CALN1: variants seen among roughly 807,000 people sequenced by gnomAD.
CALN1 encodes calcium-binding protein 8.
A neutral mutation model predicts 30.6 loss-of-function variants in CALN1; 17 were observed. That is an observed-to-expected ratio of 0.56 (90% CI 0.38 to 0.83). The LOEUF (loss-of-function observed/expected upper bound fraction) is 0.83. Ranked by LOEUF, CALN1 falls within the 40% of genes least tolerant of loss-of-function variation. CALN1 has a pLI of 0.00. For missense variants in CALN1, 291 were observed against 354.9 expected (o/e 0.82, Z 1.45); for synonymous variants, 156 against 131.4 (o/e 1.19, Z -1.28).
intron 3 of CALN1, among the ~76,000 whole-genome samples, chr7:72,249,324 C>T (rs1395188335): frequency 6.6e-6 from 1 of 152,190 alleles, no homozygotes; most frequent in Non-Finnish European, 1.5e-5. Flanking sequence ...ATGAAACCAT[C>T]ATCGCAACAC....
At chr7:72,137,981 T>G (rs1809626646) in intron 3 of CALN1, among the ~76,000 whole-genome samples, 1 of 152,222 alleles carries the variant, frequency 6.6e-6, no homozygotes, top group Non-Finnish European at 1.5e-5. Context: ...GTACTGTTCA[T>G]GCAACTTTCT....
intron 5 of CALN1, among the ~76,000 whole-genome samples, chr7:72,003,548 A>G (rs1479441791): frequency 6.6e-6 from 1 of 152,204 alleles, no homozygotes; most frequent in Non-Finnish European, 1.5e-5. Context: ...ACCTCCTGTC[A>G]GATCAGCAGT....
the CALN1 span, among the ~76,000 whole-genome samples, chr7:72,464,809 C>T: frequency 6.6e-6 from 1 of 152,216 alleles, no homozygotes; most frequent in South Asian, 2.1e-4. Flanking sequence ...GTCCTGGGGA[C>T]AGATGCCATC....
intron 4 of CALN1, among the ~76,000 whole-genome samples, chr7:72,026,680 T>C (rs1028199926): frequency 2.0e-5 from 3 of 151,994 alleles, no homozygotes; most frequent in African/African-American, 7.2e-5. Context: ...CCTCCCAAAG[T>C]GCTGGGATTA....
At chr7:71,882,842 C>A (rs570141730) in intron 5 of CALN1, among the ~76,000 whole-genome samples, 1 of 140,666 alleles carries the variant, frequency 7.1e-6, no homozygotes, top group East Asian at 2.3e-4. Context: ...CCACCATGCC[C>A]ATCTAATTTG....
intron 6 of CALN1, among the ~76,000 whole-genome samples, chr7:71,802,684 G>A (rs1039435029): frequency 5.9e-5 from 9 of 152,114 alleles, no homozygotes; most frequent in African/African-American, 2.2e-4. Context: ...CCAGGCTATG[G>A]TAATTTTTCC....
intron 2 of CALN1, among the ~76,000 whole-genome samples, chr7:72,292,142 G>A (rs1380768984): frequency 6.6e-6 from 1 of 151,914 alleles, no homozygotes; most frequent in Non-Finnish European, 1.5e-5. Context: ...ACTTTCAATG[G>A]CAAAAATCGC....
chr7:72,275,221 T>C (rs938365802), intron 3 of CALN1, among the ~76,000 whole-genome samples: 3 of 152,040 alleles, frequency 2.0e-5, no homozygotes, highest in Non-Finnish European at 4.4e-5. Flanking sequence ...TGTCCATCAG[T>C]GTCCAACACA....
intron 1 of CALN1, among the ~76,000 whole-genome samples, chr7:72,430,682 A>C (rs149751216): frequency 6.6e-6 from 1 of 152,132 alleles, no homozygotes; most frequent in Non-Finnish European, 1.5e-5. Flanking sequence ...CCGAGCACCA[A>C]CCAATCAGAA....
chr7:71,844,006 G>C (rs918276324), intron 5 of CALN1, among the ~76,000 whole-genome samples: 1 of 151,914 alleles, frequency 6.6e-6, no homozygotes, highest in Non-Finnish European at 1.5e-5. Context: ...TGACTTTTTG[G>C]TTGATTTGCT....
intron 4 of CALN1, among the ~76,000 whole-genome samples, chr7:72,100,347 A>C (rs2129540658): frequency 6.6e-6 from 1 of 151,920 alleles, no homozygotes; most frequent in South Asian, 2.1e-4. Context: ...ATGCCCAGCT[A>C]ATTTTTTCTG....
At chr7:71,790,409 A>C (rs1284243575) in intron 6 of CALN1, among the ~76,000 whole-genome samples, 1 of 138,764 alleles carries the variant, frequency 7.2e-6, no homozygotes, top group Non-Finnish European at 1.5e-5. Flanking sequence ...AGAAAGAAAG[A>C]AAGAAAGAAA....
rs199969336 is a variant in CALN1 at position 72,278,008 on chromosome 7, C to CGGA, written c.244+677_244+678insTCC. Among the ~76,000 whole-genome samples the CGGA allele has an allele frequency of 2.0e-4, 10 of 49,100 alleles. 1 individual carries two copies. The highest frequency in any genetic ancestry group is 3.1e-4 in the Non-Finnish European group (8 of 25,574). 32.2% of individuals were successfully genotyped at this position (49,100 alleles called of 152,430 possible). ...GCCAAATCAACCTAATCCTCTATTC[C>CGGA]GGGGGGGGGGGACTTGTTTTTCCTA... On this transcript the variant is annotated intron_variant, in intron 3 of 6. Coordinates refer to ENST00000395275, the MANE Select transcript of CALN1 (RefSeq NM_031468.4).
intron 2 of CALN1, among the ~76,000 whole-genome samples, chr7:72,322,383 G>A (rs913516709): frequency 1.2e-4 from 18 of 152,162 alleles, no homozygotes; most frequent in Admixed American, 3.3e-4. Flanking sequence ...CTTCCCCACC[G>A]CTCACCTCCT....
At chr7:72,405,123 A>G (rs1470194017) in intron 1 of CALN1, among the ~76,000 whole-genome samples, 1 of 152,180 alleles carries the variant, frequency 6.6e-6, no homozygotes, top group Non-Finnish European at 1.5e-5. Flanking sequence ...ATGAGATACG[A>G]CAGGAAGGGT....
intron 4 of CALN1, among the ~76,000 whole-genome samples, chr7:72,078,001 A>G (rs748982345): frequency 2.0e-5 from 3 of 152,200 alleles, no homozygotes; most frequent in Admixed American, 1.3e-4. Flanking sequence ...AAGTTGTGCT[A>G]GGCCCACAGG....
intron 3 of CALN1, among the ~76,000 whole-genome samples, chr7:72,236,572 G>A (rs1302464494): frequency 1.3e-5 from 2 of 152,190 alleles, no homozygotes; most frequent in Non-Finnish European, 2.9e-5. Context: ...GCCTGAAAAA[G>A]TTCAGGGTTG....
At chr7:72,138,976 C>T (rs1043557834) in intron 3 of CALN1, among the ~76,000 whole-genome samples, 11 of 152,302 alleles carry the variant, frequency 7.2e-5, no homozygotes, top group Admixed American at 6.5e-4. Flanking sequence ...GCTTGCAATG[C>T]CATCATCTAG....
chr7:72,403,100 G>A (rs188953889), intron 2 of CALN1, 151 bp downstream of exon 2: 31 of 593,594 alleles, frequency 5.2e-5, no homozygotes, highest in Middle Eastern at 4.4e-4. Flanking sequence ...TCTGTACCCA[G>A]CCAGGACAGC....
Sources: allele counts gnomAD v4.1 joint callset (sites outside exome capture counted in the v4.1 genomes callset), GRCh38; gene constraint gnomAD v4.1.1; transcripts MANE v1.5; gene names NCBI Gene and HGNC (gene_info 2026-07-23, HGNC 2026-07-21).